Variants in MAP2K6 observed in about 807,000 individuals in gnomAD.
The protein encoded by MAP2K6 is mitogen-activated protein kinase kinase 6.
Under a neutral mutation model 53.7 loss-of-function variants are expected in MAP2K6, and 16 were observed. That is an observed-to-expected ratio of 0.30 (90% CI 0.20 to 0.45). The LOEUF is 0.45. Among genes scored for constraint, MAP2K6 ranks in the 20% least tolerant of loss-of-function variants. The probability of loss-of-function intolerance (pLI) is 1.00; values close to 1 mark genes in which losing one functional copy is unlikely to be tolerated. For synonymous variants in MAP2K6, 132 were observed against 143.1 expected (o/e 0.92, Z 0.55); for missense variants, 204 against 411.9 (o/e 0.50, Z 4.37).
intron 10 of MAP2K6, among the ~76,000 whole-genome samples, chr17:69,529,946 A>T (rs765696225): frequency 1.6e-4 from 24 of 152,098 alleles, no homozygotes; most frequent in Non-Finnish European, 2.6e-4. Flanking sequence ...GCCTGCAAAG[A>T]TATCCCCTTC....
At chr17:69,438,726 C>T (rs1345486643) in intron 1 of MAP2K6, among the ~76,000 whole-genome samples, 1 of 152,134 alleles carries the variant, frequency 6.6e-6, no homozygotes, top group Non-Finnish European at 1.5e-5. Flanking sequence ...ACTACAGGTG[C>T]ACCACCACAC....
At chr17:69,421,735 G>A (rs1445862382) in intron 1 of MAP2K6, among the ~76,000 whole-genome samples, 1 of 151,490 alleles carries the variant, frequency 6.6e-6, no homozygotes, top group Non-Finnish European at 1.5e-5. Flanking sequence ...AGTAGAGATG[G>A]GATTTCACCG....
chr17:69,414,824 C>T lies in MAP2K6; in HGVS notation c.-161C>T, dbSNP rs1422897243. The stretch of plus-strand genomic sequence containing the variant: ...TGTTTTGCAAGGTGTGCATTTCCAT[C>T]TTGATTCCCTGAAAGTCCATCTGCT... On this transcript the variant is annotated 5_prime_UTR_variant, in exon 1 of 12. Coordinates refer to ENST00000590474, the MANE Select transcript of MAP2K6 (RefSeq NM_002758.4). 12 of 654,120 alleles carry T rather than the reference C, an allele frequency of 1.8e-5. No individual in the cohort carries two copies. In the East Asian group the frequency reaches 2.9e-4, roughly 16 times the overall value. The allele number at this position is 654,120 out of a possible 1,614,324, so 40.5% of individuals were successfully genotyped here. A position where few individuals can be genotyped will look rare whatever the true frequency, so the allele number is the denominator to read the frequency against.
intron 1 of MAP2K6, among the ~76,000 whole-genome samples, chr17:69,454,700 A>G (rs940831277): frequency 6.6e-6 from 1 of 152,052 alleles, no homozygotes; most frequent in Non-Finnish European, 1.5e-5. Flanking sequence ...CTAACTGATG[A>G]TATTTCTTAG....
rs555037751 is a variant in MAP2K6 at position 69,548,952 on chromosome 17, A to C, written c.*7199A>C. 13 of 152,338 alleles carry C rather than the reference A, an allele frequency of 8.5e-5. No homozygotes were observed. The East Asian group carries it at 2.5e-3, about 29-fold the overall frequency. The allele number at this position is 152,338 out of a possible 1,614,324, so 9.4% of individuals were successfully genotyped here. On this transcript the variant is annotated 3_prime_UTR_variant, in exon 12 of 12. Coordinates refer to ENST00000590474, the MANE Select transcript of MAP2K6 (RefSeq NM_002758.4). ...TGAAGGCACTTGCTAGCCTAAGCAG[A>C]AACATAAAGTAAAAAATTTTGTAGT...
intron 1 of MAP2K6, among the ~76,000 whole-genome samples, chr17:69,488,211 A>G (rs1908617361): frequency 6.6e-6 from 1 of 152,222 alleles, no homozygotes; most frequent in Non-Finnish European, 1.5e-5. Context: ...ATCATCAGAG[A>G]AATGCAAATC....
At chr17:69,446,531 A>G (rs1388321858) in intron 1 of MAP2K6, among the ~76,000 whole-genome samples, 3 of 152,210 alleles carry the variant, frequency 2.0e-5, no homozygotes, top group Non-Finnish European at 1.5e-5. Context: ...GTATCAGCTC[A>G]TTGCTCCTTC....
rs763154937 is a variant in MAP2K6, at chr17:69,521,096, C to T, written c.531C>T (p.His177=). Reference sequence around the variant, plus strand: ...TACATAGTAAGCTGTCTGTCATTCACAGAGGTAAGCATCCATGAGCTGCCT... The same window carrying T: ...TACATAGTAAGCTGTCTGTCATTCATAGAGGTAAGCATCCATGAGCTGCCT... ...EHLHSKLSVI[H]RDVKPSNVLI... Residue 177 remains histidine, a synonymous_variant, in exon 7 of 12, where the codon CAC becomes CAT. Coordinates refer to ENST00000590474, the MANE Select transcript of MAP2K6 (RefSeq NM_002758.4). The T allele has an allele frequency of 3.7e-6, 6 of 1,609,818 alleles. No homozygotes were observed. Among genetic ancestry groups the T allele is most frequent in the Non-Finnish European group, 5.1e-6 (6 of 1,177,922 alleles).
At chr17:69,508,805 G>A (rs1909661296) in intron 2 of MAP2K6, among the ~76,000 whole-genome samples, 1 of 152,232 alleles carries the variant, frequency 6.6e-6, no homozygotes, top group African/African-American at 2.4e-5. Context: ...ATGAGTTTAG[G>A]TTGAGCTTTA....
intron 1 of MAP2K6, among the ~76,000 whole-genome samples, chr17:69,463,907 T>G (rs1358980812): frequency 6.6e-6 from 1 of 150,632 alleles, no homozygotes; most frequent in Non-Finnish European, 1.5e-5. Context: ...TAATCCCAGC[T>G]ACTCTGGGGG....
At chr17:69,512,865 G>C (rs143106546) in intron 2 of MAP2K6, among the ~76,000 whole-genome samples, 1 of 152,136 alleles carries the variant, frequency 6.6e-6, no homozygotes, top group Non-Finnish European at 1.5e-5. Context: ...TAGTGATTGC[G>C]ATAGTAACCA....
intron 1 of MAP2K6, among the ~76,000 whole-genome samples, chr17:69,420,368 G>C (rs1158497771): frequency 6.6e-6 from 1 of 152,064 alleles, no homozygotes. Flanking sequence ...AATCACAAAA[G>C]GTGGTTGACT....
intron 1 of MAP2K6, among the ~76,000 whole-genome samples, chr17:69,443,005 A>T (rs1906868539): frequency 1.3e-5 from 2 of 151,984 alleles, no homozygotes; most frequent in South Asian, 4.2e-4. Flanking sequence ...AAACCCCAGA[A>T]TTTTCCTGCT....
intron 1 of MAP2K6, among the ~76,000 whole-genome samples, chr17:69,467,859 A>G (rs558825231): frequency 6.6e-6 from 1 of 152,084 alleles, no homozygotes; most frequent in African/African-American, 2.4e-5. Context: ...GCAACAACCC[A>G]GGTTCAAGTG....
At chr17:69,511,661 C>G (rs1178646575) in intron 2 of MAP2K6, among the ~76,000 whole-genome samples, 1 of 152,210 alleles carries the variant, frequency 6.6e-6, no homozygotes, top group African/African-American at 2.4e-5. Flanking sequence ...ATGCAACGGT[C>G]AGGTGCATTG....
intron 1 of MAP2K6, among the ~76,000 whole-genome samples, chr17:69,488,064 C>T (rs1908610465): frequency 6.6e-6 from 1 of 152,070 alleles, no homozygotes; most frequent in South Asian, 2.1e-4. Flanking sequence ...ATGCATCCAA[C>T]AAAGGTTTAA....
At position 69,430,530 on chromosome 17, in the gene MAP2K6, G is replaced by C. The variant is rs371335955; in HGVS notation, c.16+15530G>C. Among the ~76,000 whole-genome samples, 7 of 152,298 alleles carry C rather than the reference G, an allele frequency of 4.6e-5. No individual in the cohort carries two copies. The East Asian group carries it at 7.7e-4, about 17-fold the overall frequency. ...TTCAGCAGCAATCTTTGTTCATCTA[G>C]CTATTATGTGAAGATGCACTCATAA... On this transcript the variant is annotated intron_variant, in intron 1 of 11. Transcript: ENST00000590474.
chr17:69,501,012 A>G (rs1909149882), intron 1 of MAP2K6, among the ~76,000 whole-genome samples: 1 of 152,186 alleles, frequency 6.6e-6, no homozygotes, highest in Non-Finnish European at 1.5e-5. Flanking sequence ...ATAACACTGA[A>G]TGATACTTCA....
intron 1 of MAP2K6, among the ~76,000 whole-genome samples, chr17:69,416,106 A>G (rs1288889867): frequency 2.0e-5 from 3 of 152,188 alleles, no homozygotes; most frequent in African/African-American, 7.2e-5. Flanking sequence ...GAGAGGTGTT[A>G]GATACTATTG....
Sources: allele counts gnomAD v4.1 joint callset (sites outside exome capture counted in the v4.1 genomes callset), GRCh38; gene constraint gnomAD v4.1.1; transcripts MANE v1.5; gene names NCBI Gene and HGNC (gene_info 2026-07-23, HGNC 2026-07-21).